SLCO4A1: variants seen among roughly 807,000 people sequenced by gnomAD.
The protein encoded by SLCO4A1 is solute carrier organic anion transporter family member 4A1.
In SLCO4A1, 51 loss-of-function variants were observed where a neutral mutation model predicts 64.6. The ratio of observed to expected loss-of-function variants is 0.79; its 90% CI spans 0.63 to 1.00. The LOEUF is 1.00. SLCO4A1 is among the 50% of genes least tolerant of loss of function. The probability of loss-of-function intolerance (pLI) is 0.00; values close to 1 mark genes in which losing one functional copy is unlikely to be tolerated. For missense variants in SLCO4A1, 919 were observed against 980.5 expected (o/e 0.94, Z 0.84); for synonymous variants, 471 against 444.9 (o/e 1.06, Z -0.74).
intron 1 of SLCO4A1, chr20:62,643,439 G>T (rs979666198): frequency 5.9e-6 from 1 of 168,384 alleles, no homozygotes; most frequent in African/African-American, 2.4e-5. Flanking sequence ...CTAGGTTTCC[G>T]CGTGGTCCGC....
In SLCO4A1 at chr20:62,666,368, C is replaced by G; in HGVS notation, c.1277-12C>G. 6.2e-7 allele frequency: 1 copy of G among 1,611,022 alleles called. No homozygotes were observed. The highest frequency in any genetic ancestry group is 8.5e-7 in the Non-Finnish European group (1 of 1,178,772). ...TGCCTGAGTCCCTGGCTGAATCCCTCCCTCTCCCCAGGGTACCTGGTGGTG... is the reference window on the plus strand; with the variant it reads ...TGCCTGAGTCCCTGGCTGAATCCCTGCCTCTCCCCAGGGTACCTGGTGGTG... On this transcript the variant is annotated splice_polypyrimidine_tract_variant and intron_variant, in intron 6 of 11. Transcript: ENST00000217159.
intron 1 of SLCO4A1, chr20:62,652,121 CCCG>C (rs890407526): frequency 1.3e-5 from 2 of 151,014 alleles, no homozygotes; most frequent in Non-Finnish European, 3.0e-5. Flanking sequence ...TGAGCACTCT[CCCG>C]CCTGCGTCAG....
intron 1 of SLCO4A1, chr20:62,643,070 C>CG (rs765812805): frequency 8.5e-6 from 4 of 468,988 alleles, no homozygotes; most frequent in African/African-American, 6.0e-5. Flanking sequence ...GGAAGTTTCT[C>CG]GGGGGCGGCC....
At chr20:62,689,830 G>A (rs144105003), downstream of SLCO4A1, among the ~76,000 whole-genome samples, 14 of 152,216 alleles carry the variant, frequency 9.2e-5, no homozygotes, top group Non-Finnish European at 1.8e-4. Context: ...TGTGTGGGAC[G>A]GGGCACCCAG....
At chr20:62,687,739 G>A (rs530743685), downstream of SLCO4A1, among the ~76,000 whole-genome samples, 10 of 152,312 alleles carry the variant, frequency 6.6e-5, no homozygotes, top group East Asian at 1.5e-3. Flanking sequence ...GGACGACACC[G>A]GCTTCCCTGT....
downstream of SLCO4A1, among the ~76,000 whole-genome samples, chr20:62,675,885 C>T (rs1051970651): frequency 1.3e-5 from 2 of 152,182 alleles, no homozygotes; most frequent in Non-Finnish European, 2.9e-5. Flanking sequence ...GCCCGGCTGC[C>T]TGTGGGGAGG....
chr20:62,654,859 C>G (rs2147073404), intron 1 of SLCO4A1, among the ~76,000 whole-genome samples: 1 of 152,328 alleles, frequency 6.6e-6, no homozygotes, highest in Middle Eastern at 3.4e-3. Context: ...TGCTGAGGAC[C>G]AGAAATCAGG....
rs1168226283 is a variant in SLCO4A1, at chr20:62,668,016, A to G, written c.1643A>G (p.Tyr548Cys). The G allele has an allele frequency of 1.2e-6, 2 of 1,614,046 alleles. No homozygotes were observed. The highest frequency in any genetic ancestry group is 3.3e-5 in the Admixed American group (2 of 60,024). The change falls in exon 9 of 12, where the codon TAC becomes TGC. Residue 548 changes from tyrosine (Y) to cysteine (C), a missense_variant. Physicochemically the swap from Tyr to Cys is radical, Grantham distance 194. Coordinates refer to ENST00000217159, the MANE Select transcript of SLCO4A1 (RefSeq NM_016354.4). The stretch of plus-strand genomic sequence containing the variant: ...AGCTATTGTTGGGCTTCCCAGGTGT[A>G]CCGAGACTGTAGCTGTATCCCTCAG... ...TETNVDGQKVYRDCSCIPQNL... is the reference protein window; with the variant it reads ...TETNVDGQKVCRDCSCIPQNL...
chr20:62,671,905 G>A lies in SLCO4A1; in HGVS notation c.*12G>A, dbSNP rs373869364. On this transcript the variant is annotated 3_prime_UTR_variant, in exon 12 of 12. Transcript: ENST00000217159. ...AGAGCAGCGTCTGACCACCGCCCGC[G>A]CCCACCCGGCCACGGCGGGCACTCA... is the stretch of plus-strand genomic sequence containing the variant. 186 of 1,608,900 alleles carry A rather than the reference G, an allele frequency of 1.2e-4. No individual in the cohort carries two copies. The Middle Eastern group carries it at 2.8e-3, about 24-fold the overall frequency.
intron 1 of SLCO4A1, chr20:62,642,945 G>A: frequency 6.5e-6 from 3 of 463,104 alleles, no homozygotes; most frequent in African/African-American, 2.0e-5. Flanking sequence ...GCGCGCAGGC[G>A]CAGGCCCCAC....
downstream of SLCO4A1, among the ~76,000 whole-genome samples, chr20:62,687,134 G>A (rs1208471701): frequency 1.4e-5 from 2 of 144,862 alleles, no homozygotes; most frequent in Non-Finnish European, 3.0e-5. Context: ...AAACAGGCAC[G>A]ATGGGTGGGG....
At chr20:62,660,126 A>G (rs891155352) in intron 3 of SLCO4A1, among the ~76,000 whole-genome samples, 3 of 151,668 alleles carry the variant, frequency 2.0e-5, no homozygotes, top group African/African-American at 7.3e-5. Context: ...GCCCAACCCC[A>G]CCGTGGTCTC....
At chr20:62,663,180 A>G (rs1208578303) in intron 5 of SLCO4A1, 1 of 152,234 alleles carries the variant, frequency 6.6e-6, no homozygotes, top group Admixed American at 6.5e-5. Context: ...TCTGACGCCA[A>G]CATCAGCTCT....
At chr20:62,667,969 C>A (rs771476889) in intron 8 of SLCO4A1, 43 bp from the exon 9 acceptor site, 4 of 1,613,644 alleles carry the variant, frequency 2.5e-6, no homozygotes, top group Admixed American at 1.7e-5. Flanking sequence ...AAGGGGCCCC[C>A]GTGCCTTCCC....
intron 2 of SLCO4A1, 87 bp downstream of exon 2, chr20:62,657,337 G>C: frequency 4.8e-6 from 6 of 1,250,848 alleles, no homozygotes; most frequent in Non-Finnish European, 6.5e-6. Context: ...AGCCAGCCCC[G>C]CCCCCTGCCT....
At chr20:62,677,000 G>A (rs992260944), downstream of SLCO4A1, among the ~76,000 whole-genome samples, 3 of 152,224 alleles carry the variant, frequency 2.0e-5, no homozygotes, top group East Asian at 1.9e-4. Context: ...GTGCAGGTGC[G>A]CATGGACCTT....
chr20:62,658,797 C>T, intron 3 of SLCO4A1, 30 bp downstream of exon 3: 1 of 1,541,896 alleles, frequency 6.5e-7, no homozygotes, highest in Non-Finnish European at 8.9e-7. Context: ...GCTGCCTGCG[C>T]TGGAGAGGCC....
At chr20:62,650,989 C>A (rs991652154) in intron 1 of SLCO4A1, among the ~76,000 whole-genome samples, 4 of 152,200 alleles carry the variant, frequency 2.6e-5, no homozygotes, top group Admixed American at 1.3e-4. Context: ...TAGGACGTAT[C>A]CATGTGAGGT....
intron 1 of SLCO4A1, among the ~76,000 whole-genome samples, chr20:62,647,604 G>C (rs947648293): frequency 2.0e-5 from 3 of 152,270 alleles, no homozygotes; most frequent in African/African-American, 7.2e-5. Flanking sequence ...GGGCTGGCAA[G>C]CTTAAAATAG....
Sources: allele counts gnomAD v4.1 joint callset (sites outside exome capture counted in the v4.1 genomes callset), GRCh38; gene constraint gnomAD v4.1.1; transcripts MANE v1.5; gene names NCBI Gene and HGNC (gene_info 2026-07-23, HGNC 2026-07-21).